PPP6R1: variants seen among roughly 807,000 people sequenced by gnomAD.
PPP6R1 encodes protein phosphatase 6 regulatory subunit 1, also known as serine/threonine-protein phosphatase 6 regulatory subunit 1.
In PPP6R1, 39 loss-of-function variants were observed where a neutral mutation model predicts 104.6. The ratio of observed to expected loss-of-function variants is 0.37; its 90% confidence interval spans 0.29 to 0.49. PPP6R1 has a LOEUF of 0.49. Among genes scored for constraint, PPP6R1 ranks in the 20% least tolerant of loss-of-function variants. The pLI, the probability that PPP6R1 is intolerant of heterozygous loss-of-function variation, is 0.98. For synonymous variants in PPP6R1, 549 were observed against 479.0 expected, an observed-to-expected ratio of 1.15 and a Z score of -1.91; for missense variants, 1,181 against 1,155.8, an observed-to-expected ratio of 1.02 and a Z score of -0.32.
chr19:55,252,643 G>A (rs774122197), intron 1 of PPP6R1, among the ~76,000 whole-genome samples: 1 of 151,782 alleles, frequency 6.6e-6, no homozygotes, highest in East Asian at 1.9e-4. Context: ...CTTGTGATCC[G>A]CCTGCCTGGG....
chr19:55,246,091 G>A (rs1476311868), intron 2 of PPP6R1, among the ~76,000 whole-genome samples: 5 of 152,062 alleles, frequency 3.3e-5, no homozygotes, highest in Non-Finnish European at 1.5e-5. Context: ...CTTTCACACG[G>A]TGCCTGACGG....
At chr19:55,257,078 TAAAAA>T (rs35336959) in intron 1 of PPP6R1, among the ~76,000 whole-genome samples, 5 of 94,278 alleles carry the variant, frequency 5.3e-5, no homozygotes, top group Admixed American at 2.4e-4. Flanking sequence ...GAACTAGAGT[TAAAAA>T]AAAAAAAAAA....
At chr19:55,239,771 T>G (rs1600108149) in intron 13 of PPP6R1, 55 bp downstream of exon 13, 1 of 1,598,018 alleles carries the variant, frequency 6.3e-7, no homozygotes, top group Non-Finnish European at 8.6e-7. Context: ...AGGCTAAGAC[T>G]GGCCCAAGAG....
Position 55,241,095 on chromosome 19 carries a change from G to A in PPP6R1, c.1162-16C>T. The A allele has an allele frequency of 1.9e-6, 3 of 1,549,062 alleles. No homozygotes were observed. Among genetic ancestry groups the A allele is most frequent in the Non-Finnish European group, 2.6e-6 (3 of 1,146,806 alleles). ...AGAAGAGGTCCTATGGGAGGACACA[G>A]GATTGGTACCAGAGAGGCCCCGCCC... is the stretch of plus-strand genomic sequence containing the variant. On this transcript the variant is annotated splice_polypyrimidine_tract_variant and intron_variant, in intron 9 of 23. Transcript: ENST00000412770. The surrounding 1 kb of genome is among the most constrained non-coding windows in gnomAD (Gnocchi z 5.4).
At chr19:55,247,293 T>G in intron 1 of PPP6R1, 184 bp from the exon 2 acceptor site, 1 of 629,218 alleles carries the variant, frequency 1.6e-6, no homozygotes, top group South Asian at 1.9e-5. Flanking sequence ...CCTCCATCAC[T>G]CAGGCTTAAG....
chr19:55,231,821 G>T lies in PPP6R1; in HGVS notation c.2287C>A (p.Arg763Ser). Residue 763 changes from arginine to serine, a missense_variant, in exon 19 of 24, where the codon CGT (arginine) becomes AGT (serine). By Grantham distance (110) the Arg-to-Ser change is moderately radical. This residue lies in a region of PPP6R1 where 1,042 missense variants were observed against 955.6 expected (regional missense o/e 1.09). Transcript: ENST00000412770. ...PTQSLASPPA[R>S]DALQLRSQDP... is the part of the protein sequence containing the mutation. Reference sequence around the variant, plus strand: ...TCTCACCTGAGCTGCAGGGCGTCACGGGCAGGAGGGCTGGCCAGGCTCTGA... The same window carrying T: ...TCTCACCTGAGCTGCAGGGCGTCACTGGCAGGAGGGCTGGCCAGGCTCTGA... The T allele has an allele frequency of 1.3e-6, 2 of 1,501,776 alleles. No homozygotes were observed. Among genetic ancestry groups the T allele is most frequent in the Non-Finnish European group, 8.9e-7 (1 of 1,126,684 alleles). The allele number at this position is 1,501,776 out of a possible 1,614,324, so 93.0% of individuals were successfully genotyped here. A position where few individuals can be genotyped will look rare whatever the true frequency, so the allele number is the denominator to read the frequency against.
chr19:55,253,958 G>C (rs2087573266), intron 1 of PPP6R1, among the ~76,000 whole-genome samples: 1 of 152,226 alleles, frequency 6.6e-6, no homozygotes, highest in Non-Finnish European at 1.5e-5. Flanking sequence ...TTGAGCTAAA[G>C]CAGGTGGCCG....
chr19:55,240,936 C>A lies in PPP6R1; in HGVS notation c.1296+9G>T. On this transcript the variant is annotated intron_variant, in intron 10 of 23. Coordinates refer to ENST00000412770, the MANE Select transcript of PPP6R1 (RefSeq NM_014931.4). The stretch of plus-strand genomic sequence containing the variant: ...CCAGAAGGAGGGGGACCAGGGAGTC[C>A]CAGCTCACATGTTTCACAACAGGGT... The A allele has an allele frequency of 6.2e-7, 1 of 1,603,748 alleles. No homozygotes were observed. The highest frequency in any genetic ancestry group is 8.5e-7 in the Non-Finnish European group (1 of 1,176,092).
rs201795690 is a variant in PPP6R1 at position 55,245,252 on chromosome 19, C to T, written c.552+13G>A. The stretch of plus-strand genomic sequence containing the variant: ...CCCAGCCCCCCACCCCCAGAGGAGC[C>T]GGCCCTGCTCACATTGACAACATCC... On this transcript the variant is annotated intron_variant, in intron 4 of 23. Transcript: ENST00000412770. The surrounding 1 kb of genome is among the most constrained non-coding windows in gnomAD (Gnocchi z 6.4). 112 of 1,596,364 alleles carry T rather than the reference C, an allele frequency of 7.0e-5. No individual in the cohort carries two copies. The South Asian group carries it at 7.3e-4, about 10-fold the overall frequency.
Position 55,241,708 on chromosome 19 carries a change from A to AGGGTCTGG in PPP6R1, c.846-70_846-69insCCAGACCC. 6.8e-7 allele frequency: 1 copy of AGGGTCTGG among 1,461,172 alleles called. No individual in the cohort carries two copies. The highest frequency in any genetic ancestry group is 2.5e-5 in the East Asian group (1 of 40,112). The allele number at this position is 1,461,172 out of a possible 1,614,324, so 90.5% of individuals were successfully genotyped here. ...TGTGCGCCCACACAGGAGTAGGCAC[A>AGGGTCTGG]AGGACCACGTCTGCAGGGTCTGGAG... On this transcript the variant is annotated intron_variant, in intron 7 of 23. Coordinates refer to ENST00000412770, the MANE Select transcript of PPP6R1 (RefSeq NM_014931.4). This position sits in a 1 kb window ranked among gnomAD's most constrained non-coding sequence, Gnocchi z 5.4.
At chr19:55,247,192 T>G (rs745385999) in intron 1 of PPP6R1, 83 bp from the exon 2 acceptor site, 2 of 1,404,858 alleles carry the variant, frequency 1.4e-6, no homozygotes, top group Admixed American at 1.7e-5. Context: ...AGGGGCTGAG[T>G]GCCCACCTTG....
chr19:55,241,341 G>A lies in PPP6R1; in HGVS notation c.1059C>T (p.Asn353=). 1.2e-6 allele frequency: 2 copies of A among 1,611,838 alleles called. No homozygotes were observed. Among genetic ancestry groups the A allele is most frequent in the Non-Finnish European group, 1.7e-6 (2 of 1,179,728 alleles). ...GGAGCTTGACCACGTGCAGCCGCGTGTTGCCCAGAGGCGGAGCCAGCATGC... is the reference window on the plus strand; with the variant it reads ...GGAGCTTGACCACGTGCAGCCGCGTATTGCCCAGAGGCGGAGCCAGCATGC... ...TWGMLAPPLG[N]TRLHVVKLLA... is the part of the protein sequence containing the mutation. Residue 353 remains asparagine, a synonymous_variant, in exon 9 of 24, where the codon AAC becomes AAT. Transcript: ENST00000412770. This position sits in a 1 kb window ranked among gnomAD's most constrained non-coding sequence, Gnocchi z 5.4.
intron 1 of PPP6R1, among the ~76,000 whole-genome samples, chr19:55,257,868 G>A (rs2122764985): frequency 6.6e-6 from 1 of 152,330 alleles, no homozygotes; most frequent in South Asian, 2.1e-4. Context: ...TCTCACTGAA[G>A]CAGGCCCGAG....
intron 1 of PPP6R1, among the ~76,000 whole-genome samples, chr19:55,257,355 C>T (rs997685933): frequency 6.6e-6 from 1 of 152,238 alleles, no homozygotes; most frequent in East Asian, 1.9e-4. Flanking sequence ...TGACAGTCTA[C>T]GCAGCTTCCT....
At chr19:55,242,756 C>A (rs956120326) in intron 5 of PPP6R1, 8 of 475,658 alleles carry the variant, frequency 1.7e-5, no homozygotes, top group Middle Eastern at 1.2e-3. Flanking sequence ...GCACCGCCCA[C>A]AATGACCCAG....
chr19:55,236,569 A>G (rs2122565318), intron 17 of PPP6R1, 74 bp downstream of exon 17: 1 of 1,422,330 alleles, frequency 7.0e-7, no homozygotes, highest in African/African-American at 1.4e-5. Flanking sequence ...GCCTCAGTCC[A>G]AATGTGTTGG....
rs1399693689 is a variant in PPP6R1 at position 55,235,517 on chromosome 19, TC to T, written c.1988+1125del. On this transcript the variant is annotated intron_variant, in intron 17 of 23. Transcript: ENST00000412770. ...ATAACTTAACTCATTTGAATTAGAT[TC>T]CTTTTTTTTTTTTTTTCTGAGACAG... is the stretch of plus-strand genomic sequence containing the variant. Among the ~76,000 whole-genome samples the T allele has an allele frequency of 8.0e-5, 12 of 150,210 alleles. No homozygotes were observed. The East Asian group carries it at 2.1e-3, about 27-fold the overall frequency.
At chr19:55,235,420 GACAC>G (rs2087387953) in intron 17 of PPP6R1, among the ~76,000 whole-genome samples, 1 of 151,894 alleles carries the variant, frequency 6.6e-6, no homozygotes, top group Non-Finnish European at 1.5e-5. Context: ...GGAAGAGAGA[GACAC>G]ACACAGACCA....
intron 1 of PPP6R1, among the ~76,000 whole-genome samples, chr19:55,258,214 G>A (rs2087609429): frequency 6.6e-6 from 1 of 152,216 alleles, no homozygotes; most frequent in Admixed American, 6.5e-5. Context: ...TGAGACTAGG[G>A]TGGCGGCGGA....
Sources: gnomAD v4.1 joint callset for allele counts (sites outside exome capture counted in the v4.1 genomes callset) on GRCh38, gnomAD v4.1.1 for gene constraint, gnomAD v4.1.1 regional missense constraint, Gnocchi (gnomAD v3.1) non-coding constraint, MANE v1.5 for transcripts, NCBI Gene and HGNC (gene_info 2026-07-23, HGNC 2026-07-21) for gene names.